Variants in MAML3 observed in about 807,000 individuals in gnomAD.
MAML3 encodes mastermind like transcriptional coactivator 3, also known as mastermind-like protein 3.
A neutral mutation model predicts 101.9 loss-of-function variants in MAML3; 27 were observed. That is an observed-to-expected ratio of 0.27 (90% CI 0.20 to 0.37). MAML3 has a LOEUF of 0.37. Among genes scored for constraint, MAML3 ranks in the 10% least tolerant of loss-of-function variants. The pLI is 1.00. For synonymous variants in MAML3, 501 were observed against 555.9 expected, an observed-to-expected ratio of 0.90 and a Z score of 1.39; for missense variants, 1,316 against 1,444.9, an observed-to-expected ratio of 0.91 and a Z score of 1.45.
At chr4:139,809,427 C>A (rs1301965241) in intron 2 of MAML3, among the ~76,000 whole-genome samples, 2 of 152,204 alleles carry the variant, frequency 1.3e-5, no homozygotes, top group South Asian at 2.1e-4. Flanking sequence ...TGTACAGAAG[C>A]AGCCACAGCA....
At chr4:140,035,436 A>G (rs1726969634) in intron 1 of MAML3, among the ~76,000 whole-genome samples, 1 of 152,194 alleles carries the variant, frequency 6.6e-6, no homozygotes. Flanking sequence ...TCACTTAATA[A>G]CATATAGCTT....
chr4:139,859,755 A>C (rs955258594), intron 2 of MAML3, among the ~76,000 whole-genome samples: 1 of 152,366 alleles, frequency 6.6e-6, no homozygotes, highest in Admixed American at 6.5e-5. Context: ...AAGGAGGTTA[A>C]TTACCTTGCT....
chr4:139,989,082 T>G (rs1734610921), intron 1 of MAML3, among the ~76,000 whole-genome samples: 1 of 152,144 alleles, frequency 6.6e-6, no homozygotes, highest in Non-Finnish European at 1.5e-5. Flanking sequence ...GAACTGCCCC[T>G]TCTCGACGAT....
At chr4:139,885,965 A>G (rs1732330648) in intron 2 of MAML3, among the ~76,000 whole-genome samples, 1 of 146,380 alleles carries the variant, frequency 6.8e-6, no homozygotes, top group Non-Finnish European at 1.5e-5. Flanking sequence ...AAAGAAAGAG[A>G]AAAAAAGTAA....
chr4:139,717,198 C>G lies in MAML3; in HGVS notation c.*2125G>C, dbSNP rs1427368211. ...ACAAAACCACCATATTAAAATCTAC[C>G]TATTAGTTGGTCCCAGTACTGAGCA... On this transcript the variant is annotated 3_prime_UTR_variant, in exon 5 of 5. Transcript: ENST00000509479. The G allele has an allele frequency of 6.6e-6, 1 of 152,416 alleles. No homozygotes were observed. Among genetic ancestry groups the G allele is most frequent in the Non-Finnish European group, 1.5e-5 (1 of 68,016 alleles). The allele number at this position is 152,416 out of a possible 1,614,324, so 9.4% of individuals were successfully genotyped here. A position where few individuals can be genotyped will look rare whatever the true frequency, so the allele number is the denominator to read the frequency against.
chr4:139,979,891 T>G (rs1334798435), intron 1 of MAML3, among the ~76,000 whole-genome samples: 1 of 152,166 alleles, frequency 6.6e-6, no homozygotes, highest in Non-Finnish European at 1.5e-5. Context: ...CAGCACAAAA[T>G]GGACTAAGGC....
intron 1 of MAML3, among the ~76,000 whole-genome samples, chr4:140,115,691 A>G (rs1050542883): frequency 6.6e-5 from 10 of 152,214 alleles, no homozygotes; most frequent in African/African-American, 2.4e-4. Flanking sequence ...AGGTACATAA[A>G]GAGCAAAAAG....
At position 139,945,101 on chromosome 4, in the gene MAML3, A is replaced by T. The variant is rs1037017647; in HGVS notation, c.469-54134T>A. Among the ~76,000 whole-genome samples the T allele has an allele frequency of 3.9e-5, 6 of 152,202 alleles. 1 individual carries two copies. Among genetic ancestry groups the T allele is most frequent in the Non-Finnish European group, 8.8e-5 (6 of 68,034 alleles). ...TTTAAAAAGGAAAATTCCACCCCCT[A>T]ACCCTCCAAGGCAGTTTCCAGGAAG... On this transcript the variant is annotated intron_variant, in intron 1 of 4. Transcript: ENST00000509479.
intron 2 of MAML3, among the ~76,000 whole-genome samples, chr4:139,829,077 C>CAAGGAAGG (rs529976620): frequency 9.3e-6 from 1 of 107,858 alleles, no homozygotes; most frequent in South Asian, 2.9e-4. Context: ...AGGAAGGAAG[C>CAAGGAAGG]AAGGAAGGAA....
At chr4:139,997,014 G>A (rs140129912) in intron 1 of MAML3, among the ~76,000 whole-genome samples, 6,316 of 151,392 alleles carry the variant, frequency 0.042, 367 homozygotes, top group African/African-American at 0.13. Context: ...CCAAGATCGC[G>A]CCACTGCACT....
chr4:139,892,034 G>A (rs369265331), intron 1 of MAML3, among the ~76,000 whole-genome samples: 38 of 151,954 alleles, frequency 2.5e-4, no homozygotes, highest in Non-Finnish European at 4.0e-4. Flanking sequence ...CAACTTCATC[G>A]ATTACAACAG....
chr4:139,760,931 T>A (rs1343882830), intron 2 of MAML3, among the ~76,000 whole-genome samples: 1 of 152,222 alleles, frequency 6.6e-6, no homozygotes, highest in African/African-American at 2.4e-5. Context: ...ATTGCTCTGT[T>A]GTTCTAGAGG....
At chr4:139,921,779 AC>A (rs1733135305) in intron 1 of MAML3, among the ~76,000 whole-genome samples, 1 of 152,172 alleles carries the variant, frequency 6.6e-6, no homozygotes, top group African/African-American at 2.4e-5. Context: ...ACTACAGAGC[AC>A]CAAATGGGCT....
chr4:140,052,170 G>T (rs1380347457), intron 1 of MAML3, among the ~76,000 whole-genome samples: 1 of 152,108 alleles, frequency 6.6e-6, no homozygotes, highest in Non-Finnish European at 1.5e-5. Flanking sequence ...TTAAATAAAA[G>T]GCTAAATTTA....
At chr4:139,727,412 CTG>C (rs1728518575) in intron 3 of MAML3, among the ~76,000 whole-genome samples, 1 of 152,254 alleles carries the variant, frequency 6.6e-6, no homozygotes, top group Admixed American at 6.5e-5. Flanking sequence ...AAGAATTTAA[CTG>C]TCCCACTTAC....
At chr4:139,985,629 T>C (rs564989122) in intron 1 of MAML3, among the ~76,000 whole-genome samples, 102 of 152,332 alleles carry the variant, frequency 6.7e-4, no homozygotes, top group Non-Finnish European at 1.3e-3. Context: ...AAGGAATGCA[T>C]AGATTCCTTA....
chr4:140,091,730 A>G (rs949344766), intron 1 of MAML3, among the ~76,000 whole-genome samples: 2 of 152,052 alleles, frequency 1.3e-5, no homozygotes, highest in African/African-American at 4.8e-5. Context: ...GGGTTTGTTT[A>G]GTCTACTTAT....
intron 1 of MAML3, among the ~76,000 whole-genome samples, chr4:140,104,803 A>AT (rs1486586731): frequency 6.6e-6 from 1 of 151,980 alleles, no homozygotes; most frequent in Non-Finnish European, 1.5e-5. Flanking sequence ...TAATATATAC[A>AT]TTTTTTAAGT....
chr4:140,020,770 C>T (rs971730211), intron 1 of MAML3, among the ~76,000 whole-genome samples: 1 of 152,052 alleles, frequency 6.6e-6, no homozygotes, highest in Non-Finnish European at 1.5e-5. Context: ...GCAAAACTTG[C>T]AAAGAGGAGG....
Sources: gnomAD v4.1 joint callset for allele counts (sites outside exome capture counted in the v4.1 genomes callset) on GRCh38, gnomAD v4.1.1 for gene constraint, MANE v1.5 for transcripts, NCBI Gene and HGNC (gene_info 2026-07-23, HGNC 2026-07-21) for gene names.